The following ZNF208 variants were observed in gnomAD, a reference collection of about 807,000 sequenced individuals.
ZNF208 encodes zinc finger protein 208.
A neutral mutation model predicts 12.1 loss-of-function variants in ZNF208; 10 were observed. That is an observed-to-expected ratio of 0.83 (90% CI 0.51 to 1.40). ZNF208 has a LOEUF of 1.40. Ranked by LOEUF, ZNF208 falls within the 40% of genes most tolerant of loss-of-function variation. The pLI is 0.00. For missense variants in ZNF208, 1,652 were observed against 1,485.0 expected, an observed-to-expected ratio of 1.11 and a Z score of -1.85; for synonymous variants, 497 against 488.4, an observed-to-expected ratio of 1.02 and a Z score of -0.23.
intron 4 of ZNF208, among the ~76,000 whole-genome samples, chr19:21,956,220 G>A (rs148059384): frequency 1.7e-3 from 263 of 152,258 alleles, no homozygotes; most frequent in South Asian, 7.0e-3. Context: ...AGGGGCACCC[G>A]GCTGTATGAG....
At chr19:21,994,389 A>C (rs897730589) in intron 1 of ZNF208, among the ~76,000 whole-genome samples, 3 of 152,294 alleles carry the variant, frequency 2.0e-5, no homozygotes, top group African/African-American at 7.2e-5. Flanking sequence ...TTCATGACCC[A>C]AAACTCTGAT....
At chr19:21,981,489 G>A (rs965536577) in intron 3 of ZNF208, among the ~76,000 whole-genome samples, 94 of 152,082 alleles carry the variant, frequency 6.2e-4, no homozygotes, top group African/African-American at 2.1e-3. Context: ...TGCATAAAAG[G>A]CCTTCAACAA....
chr19:21,982,957 A>G (rs887789667), intron 3 of ZNF208, among the ~76,000 whole-genome samples: 4 of 152,212 alleles, frequency 2.6e-5, no homozygotes, highest in African/African-American at 9.6e-5. Flanking sequence ...GGCATGGGCA[A>G]AGACTTCATG....
At chr19:22,006,948 G>A (rs535588122) in intron 1 of ZNF208, among the ~76,000 whole-genome samples, 28 of 152,054 alleles carry the variant, frequency 1.8e-4, no homozygotes, top group Non-Finnish European at 2.9e-4. Flanking sequence ...ACACTTCTAG[G>A]AGGTACCAAG....
In ZNF208 at chr19:21,973,545, A is replaced by G. The variant is rs375324892; in HGVS notation, c.1489T>C (p.Tyr497His). The G allele has an allele frequency of 8.1e-6, 13 of 1,612,506 alleles. No individual in the cohort carries two copies. The highest frequency in any genetic ancestry group is 2.7e-5 in the African/African-American group (2 of 74,502). Residue 497 changes from tyrosine (Y) to histidine (H), a missense_variant, in exon 4 of 4, where the codon TAC becomes CAC. This residue lies in a region of ZNF208 where 1,239 missense variants were observed against 1,086.2 expected (regional missense o/e 1.14). Transcript: ENST00000397126. ...DKATHAGEKP[Y>H]KCEECGKAFN... The stretch of plus-strand genomic sequence containing the variant: ...GCTTTGCCACATTCTTCACATTTGT[A>G]GGGTTTCTCTCCAGCATGAGTTGCC...
chr19:21,978,585 C>T (rs185226469), intron 3 of ZNF208, among the ~76,000 whole-genome samples: 1 of 152,222 alleles, frequency 6.6e-6, no homozygotes, highest in Admixed American at 6.5e-5. Context: ...ACATCAAAGA[C>T]CAAAGGTAGA....
At chr19:21,976,816 C>T (rs543960092) in intron 3 of ZNF208, among the ~76,000 whole-genome samples, 1 of 152,316 alleles carries the variant, frequency 6.6e-6, no homozygotes, top group South Asian at 2.1e-4. Flanking sequence ...CTGCCTCAGC[C>T]TCACAAAGTG....
At chr19:21,941,984 T>A (rs1161515502) in intron 4 of ZNF208, among the ~76,000 whole-genome samples, 1 of 152,204 alleles carries the variant, frequency 6.6e-6, no homozygotes, top group Non-Finnish European at 1.5e-5. Context: ...CAGCAAACTA[T>A]GTTTATAATG....
chr19:21,986,743 A>G, intron 3 of ZNF208: 1 of 298,380 alleles, frequency 3.4e-6, no homozygotes, highest in Non-Finnish European at 6.1e-6. Flanking sequence ...TATAATTTCA[A>G]ACTATATTTC....
At chr19:21,948,011 C>G (rs1969838573) in intron 4 of ZNF208, among the ~76,000 whole-genome samples, 1 of 152,030 alleles carries the variant, frequency 6.6e-6, no homozygotes, top group African/African-American at 2.4e-5. Flanking sequence ...CCATGGGTAA[C>G]ATCTATGATG....
Position 22,010,941 on chromosome 19 carries a change from A to G in ZNF208, c.-147T>C. ...GACCTCCGGCTGCAGCGAGAGACAA[A>G]GGACCGACCACATCCCGGAAGCCGA... is the stretch of plus-strand genomic sequence containing the variant. On this transcript the variant is annotated 5_prime_UTR_variant, in exon 1 of 4. Transcript: ENST00000397126. 3.3e-6 allele frequency: 4 copies of G among 1,201,344 alleles called. No homozygotes were observed. The highest frequency in any genetic ancestry group is 4.8e-6 in the Non-Finnish European group (4 of 828,020). The allele number at this position is 1,201,344 out of a possible 1,614,324, so 74.4% of individuals were successfully genotyped here. A position where few individuals can be genotyped will look rare whatever the true frequency, so the allele number is the denominator to read the frequency against.
chr19:22,004,112 G>T (rs1203732119), intron 1 of ZNF208, among the ~76,000 whole-genome samples: 1 of 152,122 alleles, frequency 6.6e-6, no homozygotes, highest in East Asian at 1.9e-4. Flanking sequence ...CTGAGAGGTT[G>T]AGGTTTCAGT....
chr19:21,958,830 G>C (rs1282414971), intron 4 of ZNF208, among the ~76,000 whole-genome samples: 3 of 152,094 alleles, frequency 2.0e-5, no homozygotes, highest in Non-Finnish European at 4.4e-5. Flanking sequence ...CTCCTGAGAG[G>C]AGACTGAGAG....
At chr19:21,981,608 A>G (rs1328661476) in intron 3 of ZNF208, among the ~76,000 whole-genome samples, 1 of 152,210 alleles carries the variant, frequency 6.6e-6, no homozygotes, top group African/African-American at 2.4e-5. Flanking sequence ...TATCATACTG[A>G]ATGGTCAAAA....
rs531330601 is a variant in ZNF208 at position 21,966,855 on chromosome 19, C to T, written c.*4336G>A. On this transcript the variant is annotated 3_prime_UTR_variant, in exon 4 of 4. Transcript: ENST00000397126. The stretch of plus-strand genomic sequence containing the variant: ...TTTACATCTTTCTGATAATTAGGAA[C>T]GTTGAGCAATTTTTACATGTTTATT... 1 of 152,066 alleles carries T rather than the reference C, an allele frequency of 6.6e-6. No individual in the cohort carries two copies. 9.4% of individuals were successfully genotyped at this position (152,066 alleles called of 1,614,324 possible).
intron 4 of ZNF208, among the ~76,000 whole-genome samples, chr19:21,951,404 A>C: frequency 6.6e-6 from 1 of 152,190 alleles, no homozygotes. Flanking sequence ...AAAAAATTAT[A>C]AGAAGGCATA....
In ZNF208 at chr19:21,970,744, T is replaced by A. The variant is rs778893069; in HGVS notation, c.*447A>T. 6 of 1,328,512 alleles carry A rather than the reference T, an allele frequency of 4.5e-6. No homozygotes were observed. Among genetic ancestry groups the A allele is most frequent in the African/African-American group, 1.5e-5 (1 of 68,758 alleles). 82.3% of individuals were successfully genotyped at this position (1,328,512 alleles called of 1,614,324 possible). On this transcript the variant is annotated 3_prime_UTR_variant, in exon 4 of 4. Coordinates refer to ENST00000397126, the MANE Select transcript of ZNF208 (RefSeq NM_007153.3). ...ATGTGTAGGAGGGTTGGGAACTGTT[T>A]AAAAGCTTTGCCAAATTCTTCACAT...
chr19:21,949,812 T>C (rs532894151), intron 4 of ZNF208, among the ~76,000 whole-genome samples: 14 of 152,328 alleles, frequency 9.2e-5, no homozygotes, highest in African/African-American at 3.1e-4. Flanking sequence ...GCAGTTTTGG[T>C]GATGGCTTGC....
chr19:21,957,232 G>A (rs1023520921), intron 4 of ZNF208, among the ~76,000 whole-genome samples: 1 of 152,114 alleles, frequency 6.6e-6, no homozygotes, highest in African/African-American at 2.4e-5. Context: ...TAGAGATGGA[G>A]TTTCACCATG....
Sources: allele counts gnomAD v4.1 joint callset (sites outside exome capture counted in the v4.1 genomes callset), GRCh38; gene constraint gnomAD v4.1.1; regional missense constraint gnomAD v4.1.1; transcripts MANE v1.5; gene names NCBI Gene and HGNC (gene_info 2026-07-23, HGNC 2026-07-21).